The following SFMBT1 variants were observed in gnomAD, a reference collection of about 807,000 sequenced individuals.
SFMBT1 encodes Scm like with four mbt domains 1, also known as scm-like with four MBT domains protein 1.
SFMBT1 carries 32 observed loss-of-function variants against 108.7 expected under a neutral mutation model. That is an observed-to-expected ratio of 0.29 (90% confidence interval 0.22 to 0.40). The LOEUF (loss-of-function observed/expected upper bound fraction) is 0.40. Among genes scored for constraint, SFMBT1 ranks in the 10% least tolerant of loss-of-function variants. SFMBT1 has a pLI of 1.00. For missense variants in SFMBT1, 816 were observed against 1,059.6 expected (o/e 0.77, Z 3.19); for synonymous variants, 348 against 369.5 (o/e 0.94, Z 0.67).
chr3:52,993,341 TCC>T (rs1698191776), intron 1 of SFMBT1, among the ~76,000 whole-genome samples: 1 of 150,262 alleles, frequency 6.7e-6, no homozygotes, highest in South Asian at 2.1e-4. Context: ...CACGTAAAAG[TCC>T]ATTTTAAACC....
intron 9 of SFMBT1, 113 bp from the exon 10 acceptor site, chr3:52,926,226 T>C (rs1396424380): frequency 2.4e-6 from 2 of 838,698 alleles, no homozygotes; most frequent in African/African-American, 4.3e-5. Flanking sequence ...GTCTGACAAC[T>C]TTGATCATTT....
At chr3:52,935,262 C>G (rs1232756215) in intron 4 of SFMBT1, among the ~76,000 whole-genome samples, 2 of 152,176 alleles carry the variant, frequency 1.3e-5, no homozygotes, top group African/African-American at 4.8e-5. Flanking sequence ...CAACTGTCAC[C>G]TCATGGCCAA....
intron 1 of SFMBT1, among the ~76,000 whole-genome samples, chr3:53,002,201 C>T (rs1249628569): frequency 6.7e-6 from 1 of 149,066 alleles, no homozygotes; most frequent in African/African-American, 2.4e-5. Context: ...GAGATCGAGA[C>T]CATCCTGGCT....
At chr3:52,984,320 T>C (rs1157417298) in intron 1 of SFMBT1, among the ~76,000 whole-genome samples, 1 of 152,162 alleles carries the variant, frequency 6.6e-6, no homozygotes, top group Non-Finnish European at 1.5e-5. Context: ...GTCTCCAATT[T>C]ATAAGCTTTT....
At chr3:52,956,975 G>C (rs1388344217) in intron 2 of SFMBT1, among the ~76,000 whole-genome samples, 1 of 152,040 alleles carries the variant, frequency 6.6e-6, no homozygotes, top group Non-Finnish European at 1.5e-5. Context: ...TTCTCACTGG[G>C]GCAATCAGGC....
chr3:52,961,631 T>C (rs530052997), intron 2 of SFMBT1, among the ~76,000 whole-genome samples: 2 of 152,326 alleles, frequency 1.3e-5, no homozygotes, highest in South Asian at 2.1e-4. Context: ...TAAAAACATA[T>C]TGAACATTAA....
intron 2 of SFMBT1, among the ~76,000 whole-genome samples, chr3:52,964,170 G>T (rs1475674429): frequency 6.6e-6 from 1 of 152,154 alleles, no homozygotes; most frequent in South Asian, 2.1e-4. Flanking sequence ...AATTTACATT[G>T]TAAGTATCAA....
chr3:52,918,554 C>G, intron 12 of SFMBT1, 28 bp from the exon 13 acceptor site: 1 of 1,419,692 alleles, frequency 7.0e-7, no homozygotes, highest in Non-Finnish European at 9.5e-7. Flanking sequence ...TATATAAATG[C>G]CAAGAAAAAT....
chr3:53,009,621 C>G (rs56155510), intron 1 of SFMBT1, among the ~76,000 whole-genome samples: 1 of 151,946 alleles, frequency 6.6e-6, no homozygotes, highest in East Asian at 1.9e-4. Context: ...TTACAGTTGA[C>G]CCTTGAACAA....
intron 10 of SFMBT1, among the ~76,000 whole-genome samples, chr3:52,922,796 T>C (rs990302863): frequency 6.6e-6 from 1 of 152,166 alleles, no homozygotes; most frequent in East Asian, 1.9e-4. Context: ...AGAAGATGCC[T>C]AGGTAAGAGG....
chr3:53,045,245 C>G (rs1700185187), intron 1 of SFMBT1: 2 of 149,072 alleles, frequency 1.3e-5, no homozygotes, highest in African/African-American at 2.4e-5. Flanking sequence ...GCTCCGCCAC[C>G]GCGCAGCGAC....
At chr3:53,022,297 A>G (rs1446055533) in intron 1 of SFMBT1, among the ~76,000 whole-genome samples, 1 of 152,074 alleles carries the variant, frequency 6.6e-6, no homozygotes, top group Non-Finnish European at 1.5e-5. Flanking sequence ...TAAAAACACA[A>G]AAATTAGCTG....
At position 53,043,231 on chromosome 3, in the gene SFMBT1, G is replaced by A. The variant is rs529404281; in HGVS notation, c.-131+2585C>T. 4.6e-5 allele frequency: 7 copies of A among 152,170 alleles called. No individual in the cohort carries two copies. In the South Asian group the frequency reaches 1.5e-3, roughly 32 times the overall value. The allele number at this position is 152,170 out of a possible 1,614,324, so 9.4% of individuals were successfully genotyped here. ...AATTGTTGCAGCATTTGCTTCAGTG[G>A]AGAATATTTAAAAGTCCACCTTCCT... On this transcript the variant is annotated intron_variant, in intron 1 of 20. Transcript: ENST00000394752.
At chr3:53,001,925 T>TCACACACA (rs59572829) in intron 1 of SFMBT1, among the ~76,000 whole-genome samples, 1,561 of 129,168 alleles carry the variant, frequency 0.012, 56 homozygotes, top group Non-Finnish European at 0.016. Context: ...ACCCAGTCTC[T>TCACACACA]CACACACACA....
At chr3:53,044,444 G>GTAACTTTTCTGACATC in intron 1 of SFMBT1, among the ~76,000 whole-genome samples, 1 of 139,026 alleles carries the variant, frequency 7.2e-6, no homozygotes, top group East Asian at 2.0e-4. Flanking sequence ...CTACCAGGCC[G>GTAACTTTTCTGACATC]TAACTTTTCT....
At position 52,969,443 on chromosome 3, in the gene SFMBT1, G is replaced by A. The variant is rs528625574; in HGVS notation, c.-130-185C>T. Among the ~76,000 whole-genome samples, 10 of 152,228 alleles carry A rather than the reference G, an allele frequency of 6.6e-5. No homozygotes were observed. In the South Asian group the frequency reaches 8.3e-4, roughly 13 times the overall value. On this transcript the variant is annotated intron_variant, in intron 1 of 20. Coordinates refer to ENST00000394752, the MANE Select transcript of SFMBT1 (RefSeq NM_016329.4). ...GAAGAGTCTGTATGTGTATGTGTGC[G>A]CTCATGTGCGTCTGTATGTGTAGAG...
At chr3:52,915,438 G>T (rs1321172729) in intron 14 of SFMBT1, among the ~76,000 whole-genome samples, 1 of 152,188 alleles carries the variant, frequency 6.6e-6, no homozygotes, top group Non-Finnish European at 1.5e-5. Context: ...ACGGAAGTAC[G>T]GGTTTCTAAT....
chr3:52,988,748 G>A (rs1034235147), intron 1 of SFMBT1, among the ~76,000 whole-genome samples: 12 of 152,088 alleles, frequency 7.9e-5, no homozygotes, highest in African/African-American at 2.4e-5. Context: ...AAAGTTAAAT[G>A]GACATGAGGA....
At chr3:52,992,032 C>T (rs1253778570) in intron 1 of SFMBT1, among the ~76,000 whole-genome samples, 2 of 134,874 alleles carry the variant, frequency 1.5e-5, no homozygotes, top group Admixed American at 1.5e-4. Context: ...ACTCCCACGA[C>T]TACCTTCTAG....
Sources: allele counts gnomAD v4.1 joint callset (sites outside exome capture counted in the v4.1 genomes callset), GRCh38; gene constraint gnomAD v4.1.1; transcripts MANE v1.5; gene names NCBI Gene and HGNC (gene_info 2026-07-23, HGNC 2026-07-21).